EIF1B: variants seen among roughly 807,000 people sequenced by gnomAD.
The protein encoded by EIF1B is protein translation factor SUI1 homolog GC20.
EIF1B carries 5 observed loss-of-function variants against 14.8 expected under a neutral mutation model. The observed-to-expected ratio is 0.34, with a 90% CI of 0.18 to 0.71. EIF1B has a LOEUF of 0.71. Among genes scored for constraint, EIF1B ranks in the 30% least tolerant of loss-of-function variants. EIF1B has a pLI of 0.64. For missense variants in EIF1B, 56 were observed against 134.0 expected, an observed-to-expected ratio of 0.42 and a Z score of 2.87; for synonymous variants, 45 against 45.8, an observed-to-expected ratio of 0.98 and a Z score of 0.07.
At position 40,312,223 on chromosome 3, in the gene EIF1B, C is replaced by A; in HGVS notation, c.*209C>A. 1 of 525,776 alleles carries A rather than the reference C, an allele frequency of 1.9e-6. No homozygotes were observed. The allele number at this position is 525,776 out of a possible 1,614,324, so 32.6% of individuals were successfully genotyped here. A position where few individuals can be genotyped will look rare whatever the true frequency, so the allele number is the denominator to read the frequency against. On this transcript the variant is annotated 3_prime_UTR_variant, in exon 4 of 4. Coordinates refer to ENST00000232905, the MANE Select transcript of EIF1B (RefSeq NM_005875.3). ...TTGCAGTAAGATGGTAACAAAACCT[C>A]ATATTGTCTTTACATGTTTCCAATG... is the stretch of plus-strand genomic sequence containing the variant.
chr3:40,309,822 C>T lies in EIF1B; in HGVS notation c.-120C>T, dbSNP rs1221042084. The T allele has an allele frequency of 1.6e-6, 2 of 1,282,876 alleles. No homozygotes were observed. Among genetic ancestry groups the T allele is most frequent in the African/African-American group, 1.5e-5 (1 of 68,400 alleles). 79.5% of individuals were successfully genotyped at this position (1,282,876 alleles called of 1,614,324 possible). A position where few individuals can be genotyped will look rare whatever the true frequency, so the allele number is the denominator to read the frequency against. ...GCCGCCACTCCAGCCTAATCCCAAC[C>T]CCAGGGCGAAGCGTTTTCTTATTTA... On this transcript the variant is annotated 5_prime_UTR_variant, in exon 1 of 4. Transcript: ENST00000232905.
chr3:40,311,206 T>C, intron 2 of EIF1B, 150 bp downstream of exon 2: 1 of 745,540 alleles, frequency 1.3e-6, no homozygotes. Context: ...ATTTAGTTAT[T>C]CTCCCAGTGT....
rs1284553588 is a variant in EIF1B, at chr3:40,311,997, A to C, written c.325A>C (p.Lys109Gln). Residue 109 changes from lysine to glutamine, a missense_variant, in exon 4 of 4, where the codon AAG (lysine) becomes CAG (glutamine). By Grantham distance (53) the Lys-to-Gln change is moderately conservative (BLOSUM62 1). Coordinates refer to ENST00000232905, the MANE Select transcript of EIF1B (RefSeq NM_005875.3). The part of the protein sequence containing the change: ...EVGIVKEEQL[K>Q]VHGF ...TGGCATTGTAAAGGAGGAACAGCTT[A>C]AGGTTCATGGATTCTAAAATGAACC... 4 of 1,609,982 alleles carry C rather than the reference A, an allele frequency of 2.5e-6. No individual in the cohort carries two copies. The highest frequency in any genetic ancestry group is 3.4e-6 in the Non-Finnish European group (4 of 1,176,760).
Position 40,311,129 on chromosome 3 carries a change from A to G in EIF1B, c.195+73A>G, listed in dbSNP as rs1575707631. 3.5e-6 allele frequency: 5 copies of G among 1,417,308 alleles called. No homozygotes were observed. In the East Asian group the frequency reaches 9.5e-5, roughly 27 times the overall value. 87.8% of individuals were successfully genotyped at this position (1,417,308 alleles called of 1,614,324 possible). ...GAACTGGATTATGATTCACACCTTT[A>G]TATCGGCGTGGATGAAAATAACTAG... is the stretch of plus-strand genomic sequence containing the variant. On this transcript the variant is annotated intron_variant, in intron 2 of 3. Coordinates refer to ENST00000232905, the MANE Select transcript of EIF1B (RefSeq NM_005875.3).
At position 40,311,457 on chromosome 3, in the gene EIF1B, T is replaced by C. The variant is rs757784453; in HGVS notation, c.196-13T>C. ...TTGACTAAATTTTGTTGTATATTTA[T>C]GCACTTTTCCAGAAATTTGCCTGTA... On this transcript the variant is annotated splice_polypyrimidine_tract_variant and intron_variant, in intron 2 of 3. Coordinates refer to ENST00000232905, the MANE Select transcript of EIF1B (RefSeq NM_005875.3). 4.4e-6 allele frequency: 7 copies of C among 1,597,774 alleles called. No individual in the cohort carries two copies. Among genetic ancestry groups the C allele is most frequent in the South Asian group, 2.2e-5 (2 of 90,326 alleles).
In EIF1B at chr3:40,312,245, A is replaced by C; in HGVS notation, c.*231A>C. On this transcript the variant is annotated 3_prime_UTR_variant, in exon 4 of 4. Transcript: ENST00000232905. ...CCTCATATTGTCTTTACATGTTTCC[A>C]ATGGAAAATGTTTTGAGTGTTTATT... The C allele has an allele frequency of 2.1e-6, 1 of 469,600 alleles. No individual in the cohort carries two copies. Among genetic ancestry groups the C allele is most frequent in the Non-Finnish European group, 3.7e-6 (1 of 267,210 alleles). 29.1% of individuals were successfully genotyped at this position (469,600 alleles called of 1,614,324 possible).
Position 40,309,968 on chromosome 3 carries a change from T to C in EIF1B, c.27T>C (p.Ser9=). MSTIQNLQ[S]FDPFADATKG... ...TGTCCACTATCCAGAACCTCCAATC[T>C]TTCGGTAAGATCCCGTCGCCGCCGC... The change falls in exon 1 of 4, where the codon TCT becomes TCC. Residue 9 remains serine, a synonymous_variant. Coordinates refer to ENST00000232905, the MANE Select transcript of EIF1B (RefSeq NM_005875.3). 6.2e-7 allele frequency: 1 copy of C among 1,613,950 alleles called. No individual in the cohort carries two copies. Among genetic ancestry groups the C allele is most frequent in the Non-Finnish European group, 8.5e-7 (1 of 1,179,960 alleles).
chr3:40,309,972 G>A lies in EIF1B; in HGVS notation c.31G>A (p.Asp11Asn). The A allele has an allele frequency of 6.2e-7, 1 of 1,613,834 alleles. No homozygotes were observed. The highest frequency in any genetic ancestry group is 8.5e-7 in the Non-Finnish European group (1 of 1,179,956). Residue 11 changes from aspartate (D) to asparagine (N), a missense_variant and splice_region_variant, in exon 1 of 4, where the codon GAC becomes AAC. Asp to Asn is a conservative substitution (Grantham distance 23). Around this residue, in one of 3 missense-constraint regions of EIF1B, gnomAD observed 20 missense variants for 29.2 expected, o/e 0.69. Transcript: ENST00000232905. MSTIQNLQSF[D>N]PFADATKGDD... ...CACTATCCAGAACCTCCAATCTTTC[G>A]GTAAGATCCCGTCGCCGCCGCCTCC...
intron 3 of EIF1B, 104 bp downstream of exon 3, chr3:40,311,675 A>C: frequency 1.1e-6 from 1 of 931,618 alleles, no homozygotes; most frequent in Admixed American, 2.3e-5. Context: ...ATACGAATGA[A>C]GGAAATTAGG....
chr3:40,311,704 G>T, intron 3 of EIF1B, 133 bp downstream of exon 3: 1 of 779,914 alleles, frequency 1.3e-6, no homozygotes, highest in Non-Finnish European at 2.1e-6. Flanking sequence ...AGACATGGTA[G>T]TTATTTGGAA....
In EIF1B at chr3:40,311,450, A is replaced by G; in HGVS notation, c.196-20A>G. ...ATAGTAGTTGACTAAATTTTGTTGT[A>G]TATTTATGCACTTTTCCAGAAATTT... On this transcript the variant is annotated intron_variant, in intron 2 of 3. Coordinates refer to ENST00000232905, the MANE Select transcript of EIF1B (RefSeq NM_005875.3). The G allele has an allele frequency of 6.3e-7, 1 of 1,581,172 alleles. No individual in the cohort carries two copies. Among genetic ancestry groups the G allele is most frequent in the Non-Finnish European group, 8.7e-7 (1 of 1,151,332 alleles).
At chr3:40,310,089 C>T (rs562502470) in intron 1 of EIF1B, 117 bp downstream of exon 1, 1 of 1,391,838 alleles carries the variant, frequency 7.2e-7, no homozygotes, top group South Asian at 1.2e-5. Context: ...CCTAGTGGGG[C>T]TTTGTCTCGG....
chr3:40,310,082 A>G, intron 1 of EIF1B, 110 bp downstream of exon 1: 1 of 1,441,674 alleles, frequency 6.9e-7, no homozygotes, highest in South Asian at 1.2e-5. Context: ...CCGCACCCCT[A>G]GTGGGGCTTT....
At chr3:40,310,106 G>C in intron 1 of EIF1B, 134 bp downstream of exon 1, 1 of 1,264,350 alleles carries the variant, frequency 7.9e-7, no homozygotes, top group Non-Finnish European at 1.1e-6. Flanking sequence ...TCGGCGCCCA[G>C]AAAATGGCGA....
chr3:40,310,933 G>C lies in EIF1B; in HGVS notation c.72G>C (p.Pro24=), dbSNP rs775081959. The change falls in exon 2 of 4, where the codon CCG becomes CCC. Residue 24 remains proline (P), a synonymous_variant. Transcript: ENST00000232905. The stretch of plus-strand genomic sequence containing the variant: ...CAACTAAGGGTGACGACTTACTCCC[G>C]GCAGGGACTGAGGATTACATTCATA... ...ADATKGDDLL[P]AGTEDYIHIR... 6.8e-6 allele frequency: 11 copies of C among 1,612,162 alleles called. No individual in the cohort carries two copies. The highest frequency in any genetic ancestry group is 9.3e-6 in the Non-Finnish European group (11 of 1,179,296).
At chr3:40,310,421 T>C (rs1222710342) in intron 1 of EIF1B, among the ~76,000 whole-genome samples, 5 of 152,160 alleles carry the variant, frequency 3.3e-5, no homozygotes, top group Non-Finnish European at 7.3e-5. Context: ...TGGTTCAGTC[T>C]TCTCTGCTTG....
At chr3:40,310,859 T>C (rs1445247962) in intron 1 of EIF1B, 34 bp from the exon 2 acceptor site, 2 of 1,521,860 alleles carry the variant, frequency 1.3e-6, no homozygotes, top group Non-Finnish European at 1.8e-6. Flanking sequence ...ATTTTTCTAC[T>C]TTGGATTTTT....
rs961670255 is a variant in EIF1B, at chr3:40,309,800, G to C, written c.-142G>C. ...CTGCCTCCTCCCGGCTTCCGCCGCC[G>C]CCACTCCAGCCTAATCCCAACCCCA... On this transcript the variant is annotated 5_prime_UTR_variant, in exon 1 of 4. Transcript: ENST00000232905. The C allele has an allele frequency of 1.3e-5, 12 of 953,898 alleles. 1 individual carries two copies. In the South Asian group the frequency reaches 1.7e-4, roughly 14 times the overall value. The allele number at this position is 953,898 out of a possible 1,614,324, so 59.1% of individuals were successfully genotyped here.
chr3:40,311,629 A>T, intron 3 of EIF1B, 58 bp downstream of exon 3: 3 of 1,353,656 alleles, frequency 2.2e-6, no homozygotes, highest in Non-Finnish European at 3.2e-6. Flanking sequence ...TTGTATTTAA[A>T]GGCAACATGA....
Sources: gnomAD v4.1 joint callset for allele counts (sites outside exome capture counted in the v4.1 genomes callset) on GRCh38, gnomAD v4.1.1 for gene constraint, gnomAD v4.1.1 regional missense constraint, MANE v1.5 for transcripts, NCBI Gene and HGNC (gene_info 2026-07-23, HGNC 2026-07-21) for gene names.